BTBD9: variants seen among roughly 807,000 people sequenced by gnomAD.
The protein encoded by BTBD9 is BTB domain containing 9.
In BTBD9, 49 loss-of-function variants were observed where a neutral mutation model predicts 64.3. The observed-to-expected ratio is 0.76, with a 90% CI of 0.61 to 0.97. BTBD9 has a LOEUF of 0.97. BTBD9 is among the 50% of genes least tolerant of loss of function. BTBD9 has a pLI of 0.00. For synonymous variants in BTBD9, 260 were observed against 274.7 expected (o/e 0.95, Z 0.53); for missense variants, 598 against 762.1 (o/e 0.78, Z 2.53).
At chr6:38,204,080 G>A (rs527298421) in intron 9 of BTBD9, among the ~76,000 whole-genome samples, 1 of 152,212 alleles carries the variant, frequency 6.6e-6, no homozygotes, top group South Asian at 2.1e-4. Flanking sequence ...AGCAACTGTT[G>A]ATGAAAATGT....
At chr6:38,503,559 C>T (rs1772313449) in intron 6 of BTBD9, among the ~76,000 whole-genome samples, 2 of 150,194 alleles carry the variant, frequency 1.3e-5, no homozygotes, top group South Asian at 2.1e-4. Flanking sequence ...TGTCCTTGTT[C>T]CCCCCTACTA....
chr6:38,229,426 C>A (rs868072847), intron 9 of BTBD9, among the ~76,000 whole-genome samples: 1 of 152,076 alleles, frequency 6.6e-6, no homozygotes, highest in Non-Finnish European at 1.5e-5. Flanking sequence ...CCCTACAGCC[C>A]CTTTGATGGT....
At chr6:38,494,211 T>C (rs373582579) in intron 6 of BTBD9, among the ~76,000 whole-genome samples, 11 of 152,226 alleles carry the variant, frequency 7.2e-5, no homozygotes, top group African/African-American at 2.4e-4. Context: ...TGAATGGTGT[T>C]AAGCTGGTAA....
intron 6 of BTBD9, among the ~76,000 whole-genome samples, chr6:38,572,584 A>G (rs1775820791): frequency 6.6e-6 from 1 of 152,198 alleles, no homozygotes; most frequent in African/African-American, 2.4e-5. Flanking sequence ...CAAGAATCAA[A>G]GAAATCAGTG....
chr6:38,403,798 T>C (rs769070785), intron 6 of BTBD9, among the ~76,000 whole-genome samples: 1 of 152,216 alleles, frequency 6.6e-6, no homozygotes, highest in African/African-American at 2.4e-5. Context: ...AGCAGCATTA[T>C]TCACAGCAGC....
Position 38,439,990 on chromosome 6 carries a change from G to T in BTBD9, c.1155-94897C>A, listed in dbSNP as rs184419219. ...ACTCCTGAAGACTGCAGAAGATGGG[G>T]GATTGTAGAGGCTAGCTCAGGAGTA... On this transcript the variant is annotated intron_variant, in intron 6 of 10. Coordinates refer to ENST00000481247, the MANE Select transcript of BTBD9 (RefSeq NM_001099272.2). Among the ~76,000 whole-genome samples the T allele has an allele frequency of 6.3e-4, 96 of 152,244 alleles. 2 individuals are homozygous for T. The highest frequency in any genetic ancestry group is 6.2e-3 in the East Asian group (32 of 5,188).
chr6:38,197,045 A>G (rs971722768), intron 9 of BTBD9, among the ~76,000 whole-genome samples: 3 of 152,226 alleles, frequency 2.0e-5, no homozygotes, highest in African/African-American at 7.2e-5. Flanking sequence ...AAATGAAATC[A>G]TGGGGATGTA....
At chr6:38,291,102 GA>G in intron 7 of BTBD9, among the ~76,000 whole-genome samples, 1 of 152,142 alleles carries the variant, frequency 6.6e-6, no homozygotes, top group Non-Finnish European at 1.5e-5. Flanking sequence ...TGTGGAAGTG[GA>G]ATTACACTCA....
chr6:38,577,118 C>A (rs556049469), intron 6 of BTBD9, among the ~76,000 whole-genome samples: 1 of 152,280 alleles, frequency 6.6e-6, no homozygotes, highest in African/African-American at 2.4e-5. Flanking sequence ...CATTTGTTAA[C>A]CACTAACCTA....
intron 6 of BTBD9, among the ~76,000 whole-genome samples, chr6:38,395,117 T>G (rs1766609149): frequency 6.6e-6 from 1 of 152,068 alleles, no homozygotes; most frequent in Non-Finnish European, 1.5e-5. Context: ...CCCTCATGAA[T>G]GAGATTAGTT....
chr6:38,346,867 G>A (rs1177420001), intron 6 of BTBD9, among the ~76,000 whole-genome samples: 1 of 152,126 alleles, frequency 6.6e-6, no homozygotes, highest in Non-Finnish European at 1.5e-5. Flanking sequence ...TGCAACCTTG[G>A]AGGGAATAGA....
chr6:38,477,991 T>C, intron 6 of BTBD9, among the ~76,000 whole-genome samples: 1 of 152,162 alleles, frequency 6.6e-6, no homozygotes, highest in Admixed American at 6.5e-5. Context: ...CTCTCTGGGC[T>C]TCAATTTCTT....
chr6:38,426,519 C>T (rs1768157125), intron 6 of BTBD9, among the ~76,000 whole-genome samples: 1 of 151,882 alleles, frequency 6.6e-6, no homozygotes, highest in East Asian at 1.9e-4. Flanking sequence ...AGCTTTTGCT[C>T]GCCATCCACC....
intron 6 of BTBD9, among the ~76,000 whole-genome samples, chr6:38,463,144 G>C (rs991950747): frequency 2.0e-5 from 3 of 152,140 alleles, no homozygotes; most frequent in African/African-American, 7.2e-5. Flanking sequence ...CAAATCTTTT[G>C]ATGCTATAAT....
At chr6:38,572,991 G>A (rs890419072) in intron 6 of BTBD9, among the ~76,000 whole-genome samples, 1 of 151,812 alleles carries the variant, frequency 6.6e-6, no homozygotes, top group Non-Finnish European at 1.5e-5. Flanking sequence ...ACAGGCAAAA[G>A]GATAATGTCA....
rs1400009505 is a variant in BTBD9, at chr6:38,417,798, GAGA to G, written c.1155-72708_1155-72706del. ...GAGGAGAGAGAGAGAGAGAGAGAGA[GAGA>G]AAAAAAATATTGACACATAACTGGT... On this transcript the variant is annotated intron_variant, in intron 6 of 10. Coordinates refer to ENST00000481247, the MANE Select transcript of BTBD9 (RefSeq NM_001099272.2). Among the ~76,000 whole-genome samples, 15 of 103,618 alleles carry G rather than the reference GAGA, an allele frequency of 1.4e-4. No individual in the cohort carries two copies. In the South Asian group the frequency reaches 3.4e-3, roughly 23 times the overall value. 68.0% of individuals were successfully genotyped at this position (103,618 alleles called of 152,430 possible). A position where few individuals can be genotyped will look rare whatever the true frequency, so the allele number is the denominator to read the frequency against.
intron 7 of BTBD9, among the ~76,000 whole-genome samples, chr6:38,315,048 C>T (rs1762984886): frequency 6.6e-6 from 1 of 152,082 alleles, no homozygotes; most frequent in African/African-American, 2.4e-5. Flanking sequence ...CGGGGTTTCA[C>T]CATGTTAGCC....
intron 6 of BTBD9, among the ~76,000 whole-genome samples, chr6:38,379,217 A>T (rs919789429): frequency 2.0e-5 from 3 of 152,098 alleles, no homozygotes; most frequent in Non-Finnish European, 4.4e-5. Flanking sequence ...CAAAGTCCAG[A>T]CTCCCAAAAG....
rs542481761 is a variant in BTBD9, at chr6:38,615,596, A to G, written c.-27-17475T>C. 1.7e-3 allele frequency among the ~76,000 whole-genome samples: 263 copies of G among 152,216 alleles called. 2 individuals carry two copies. Among genetic ancestry groups the G allele is most frequent in the Non-Finnish European group, 1.5e-3 (101 of 68,006 alleles). On this transcript the variant is annotated intron_variant, in intron 1 of 10. Coordinates refer to ENST00000481247, the MANE Select transcript of BTBD9 (RefSeq NM_001099272.2). ...TGTTTTGTTCCCAAAGCTTCATACT[A>G]CTGGCCACTCACCATTCAGGTCTTG...
Sources: allele counts gnomAD v4.1 joint callset (sites outside exome capture counted in the v4.1 genomes callset), GRCh38; gene constraint gnomAD v4.1.1; transcripts MANE v1.5; gene names NCBI Gene and HGNC (gene_info 2026-07-23, HGNC 2026-07-21).